ANO1: variants seen among roughly 807,000 people sequenced by gnomAD.
ANO1 encodes the protein anoctamin 1, also known as anoctamin-1.
ANO1 carries 59 observed loss-of-function variants against 124.0 expected under a neutral mutation model. That is an observed-to-expected ratio of 0.48 (90% confidence interval 0.39 to 0.59). The LOEUF is 0.59. ANO1 is among the 20% of genes least tolerant of loss of function. The pLI is 0.00. For missense variants in ANO1, 1,059 were observed against 1,328.0 expected, an observed-to-expected ratio of 0.80 and a Z score of 3.15; for synonymous variants, 529 against 532.0, an observed-to-expected ratio of 0.99 and a Z score of 0.08.
At chr11:70,174,743 G>A (rs754325085) in intron 22 of ANO1, among the ~76,000 whole-genome samples, 9 of 152,102 alleles carry the variant, frequency 5.9e-5, no homozygotes, top group African/African-American at 1.7e-4. Flanking sequence ...TCCTGCATGC[G>A]TAGAGGGTTT....
At chr11:70,081,022 A>G (rs971639381) in intron 1 of ANO1, among the ~76,000 whole-genome samples, 12 of 152,228 alleles carry the variant, frequency 7.9e-5, no homozygotes, top group African/African-American at 2.4e-4. Context: ...CTGCATTTCA[A>G]AAGTTCCTAT....
chr11:70,086,090 G>A (rs555324906), intron 1 of ANO1, among the ~76,000 whole-genome samples: 79 of 152,328 alleles, frequency 5.2e-4, no homozygotes, highest in African/African-American at 1.7e-3. Context: ...GATGCCCCTC[G>A]GGAACTGATA....
At chr11:70,048,071 G>A (rs1456408520) in intron 1 of ANO1, among the ~76,000 whole-genome samples, 17 of 152,062 alleles carry the variant, frequency 1.1e-4, no homozygotes, top group Non-Finnish European at 1.2e-4. Flanking sequence ...CAAATATTTT[G>A]GTGAAAATAG....
At chr11:70,089,081 C>T (rs2044516602) in intron 2 of ANO1, among the ~76,000 whole-genome samples, 1 of 152,226 alleles carries the variant, frequency 6.6e-6, no homozygotes, top group Non-Finnish European at 1.5e-5. Context: ...TGTGTGCTCT[C>T]TGGCTGTCAT....
In ANO1 at chr11:70,131,608, G is replaced by A. The variant is rs531244666; in HGVS notation, c.1098-311G>A. Among the ~76,000 whole-genome samples, 20 of 152,344 alleles carry A rather than the reference G, an allele frequency of 1.3e-4. No homozygotes were observed. The East Asian group carries it at 1.5e-3, about 12-fold the overall frequency. Reference sequence around the variant, plus strand: ...CTCCCAAAGTACTGGGATTACAGGCGTGAGTCACCACGCCCGTCCCATTGT... The same window carrying A: ...CTCCCAAAGTACTGGGATTACAGGCATGAGTCACCACGCCCGTCCCATTGT... On this transcript the variant is annotated intron_variant, in intron 10 of 25. Coordinates refer to ENST00000355303, the MANE Select transcript of ANO1 (RefSeq NM_018043.7).
intron 1 of ANO1, among the ~76,000 whole-genome samples, chr11:70,042,513 CAG>C (rs140488432): frequency 2.9e-3 from 431 of 146,928 alleles, no homozygotes; most frequent in Middle Eastern, 3.5e-3. Flanking sequence ...TACATATACA[CAG>C]AGAGAGAGAG....
chr11:70,105,033 C>A (rs1188440593), intron 4 of ANO1, among the ~76,000 whole-genome samples: 2 of 152,132 alleles, frequency 1.3e-5, no homozygotes, highest in Non-Finnish European at 2.9e-5. Context: ...AGATCCAGAA[C>A]AGGGGCTTGG....
chr11:70,056,018 T>G (rs1291665988), intron 1 of ANO1, among the ~76,000 whole-genome samples: 1 of 152,132 alleles, frequency 6.6e-6, no homozygotes, highest in East Asian at 1.9e-4. Context: ...TTAATATTAC[T>G]TACATTTAAT....
At chr11:70,181,707 G>A (rs1403746570) in intron 23 of ANO1, among the ~76,000 whole-genome samples, 5 of 151,928 alleles carry the variant, frequency 3.3e-5, no homozygotes, top group African/African-American at 9.7e-5. Flanking sequence ...CAGGAGGATC[G>A]CTTGAGGCGA....
intron 20 of ANO1, among the ~76,000 whole-genome samples, chr11:70,166,873 C>T (rs910427507): frequency 6.6e-6 from 1 of 152,156 alleles, no homozygotes; most frequent in Non-Finnish European, 1.5e-5. Flanking sequence ...AGGCCAGGCG[C>T]GGTGGCTCAT....
rs1305337232 is a variant in ANO1 at position 70,122,238 on chromosome 11, A to C, written c.898-2112A>C. 6.4e-3 allele frequency among the ~76,000 whole-genome samples: 82 copies of C among 12,800 alleles called. 3 individuals carry two copies. Among genetic ancestry groups the C allele is most frequent in the Admixed American group, 0.019 (12 of 646 alleles). 8.4% of individuals were successfully genotyped at this position (12,800 alleles called of 152,430 possible). ...CTCTGTCTCTCTCTCCATCTCCCCC[A>C]CCTCTCTGTCTGTCTCTATCTCTGT... On this transcript the variant is annotated intron_variant, in intron 8 of 25. Coordinates refer to ENST00000355303, the MANE Select transcript of ANO1 (RefSeq NM_018043.7).
At chr11:70,163,702 C>G in intron 19 of ANO1, 1 of 488,880 alleles carries the variant, frequency 2.0e-6, no homozygotes, top group Middle Eastern at 5.5e-4. Context: ...TTTGGGAGGC[C>G]GAGACTCGTG....
chr11:69,984,221 CT>C (rs1272759006), upstream of ANO1, among the ~76,000 whole-genome samples: 1 of 152,212 alleles, frequency 6.6e-6, no homozygotes, highest in Non-Finnish European at 1.5e-5. Context: ...AATGTAGCCC[CT>C]GCAAGGGTCC....
chr11:70,185,748 C>T, intron 25 of ANO1, 53 bp downstream of exon 25: 1 of 1,561,922 alleles, frequency 6.4e-7, no homozygotes, highest in Non-Finnish European at 8.8e-7. Context: ...ATTTAGGGAC[C>T]ATCCTGTGCC....
rs537038288 is a variant in ANO1, at chr11:70,040,105, G to A, written c.59-38437G>A. Among the ~76,000 whole-genome samples the A allele has an allele frequency of 9.2e-5, 14 of 152,270 alleles. No individual in the cohort carries two copies. In the South Asian group the frequency reaches 2.3e-3, roughly 25 times the overall value. ...AGAGCTGCTATGGCAGCCTAAGAAC[G>A]TGATCACCCTGCCAGCCAAGATAAT... On this transcript the variant is annotated intron_variant, in intron 1 of 27. Transcript: ENST00000531349.
intron 1 of ANO1, among the ~76,000 whole-genome samples, chr11:70,033,004 T>A (rs1297208495): frequency 6.6e-6 from 1 of 152,186 alleles, no homozygotes; most frequent in Non-Finnish European, 1.5e-5. Context: ...CGTGCCCGGT[T>A]CCCTTATGGA....
At chr11:70,040,394 G>A (rs1381818350) in intron 1 of ANO1, among the ~76,000 whole-genome samples, 2 of 152,164 alleles carry the variant, frequency 1.3e-5, no homozygotes, top group East Asian at 1.9e-4. Context: ...TAGTCCTCTA[G>A]GGCAAGGTAT....
At chr11:70,083,757 T>G (rs2044271926) in intron 1 of ANO1, among the ~76,000 whole-genome samples, 1 of 152,210 alleles carries the variant, frequency 6.6e-6, no homozygotes, top group African/African-American at 2.4e-5. Flanking sequence ...CCCTGTGTAC[T>G]GAGGTCAGGT....
chr11:70,101,766 G>A (rs894032488), intron 2 of ANO1, among the ~76,000 whole-genome samples: 30 of 151,880 alleles, frequency 2.0e-4, no homozygotes, highest in African/African-American at 1.7e-4. Context: ...GGTCCCGGCC[G>A]GCACTCGCTC....
Sources: gnomAD v4.1 joint callset for allele counts (sites outside exome capture counted in the v4.1 genomes callset) on GRCh38, gnomAD v4.1.1 for gene constraint, MANE v1.5 for transcripts, NCBI Gene and HGNC (gene_info 2026-07-23, HGNC 2026-07-21) for gene names.